The following FAT3 variants were observed in gnomAD, a reference collection of about 807,000 sequenced individuals.
The protein encoded by FAT3 is FAT atypical cadherin 3, also known as protocadherin Fat 3.
In FAT3, 95 loss-of-function variants were observed where a neutral mutation model predicts 310.2. The observed-to-expected ratio is 0.31, with a 90% CI of 0.26 to 0.36. The LOEUF is 0.36. FAT3 is among the 10% of genes least tolerant of loss of function. The pLI, the probability that FAT3 is intolerant of heterozygous loss-of-function variation, is 1.00. For missense variants in FAT3, 5,408 were observed against 5,715.6 expected, an observed-to-expected ratio of 0.95 and a Z score of 1.74; for synonymous variants, 2,314 against 2,192.9, an observed-to-expected ratio of 1.06 and a Z score of -1.54.
chr11:92,812,785 G>A (rs1033747962), intron 13 of FAT3, among the ~76,000 whole-genome samples: 1 of 152,156 alleles, frequency 6.6e-6, no homozygotes, highest in Admixed American at 6.5e-5. Context: ...ACTGGCCACA[G>A]CACTAACCTT....
chr11:92,591,152 G>T (rs1350149114), intron 3 of FAT3, among the ~76,000 whole-genome samples: 1 of 152,094 alleles, frequency 6.6e-6, no homozygotes, highest in Non-Finnish European at 1.5e-5. Context: ...AAATTTACCT[G>T]CCTTAGGAAC....
intron 19 of FAT3, 78 bp from the exon 20 acceptor site, chr11:92,857,136 T>G: frequency 6.2e-7 from 1 of 1,606,228 alleles, no homozygotes; most frequent in Non-Finnish European, 8.5e-7. Context: ...GTGTTCCCTT[T>G]GAACCTTTTC....
At chr11:92,454,680 G>A (rs1272029726) in intron 2 of FAT3, among the ~76,000 whole-genome samples, 1 of 152,102 alleles carries the variant, frequency 6.6e-6, no homozygotes, top group Non-Finnish European at 1.5e-5. Flanking sequence ...AACTCTGATA[G>A]GCATTTGGAT....
At chr11:92,872,858 T>A (rs1949424372) in intron 22 of FAT3, among the ~76,000 whole-genome samples, 1 of 152,228 alleles carries the variant, frequency 6.6e-6, no homozygotes, top group Non-Finnish European at 1.5e-5. Flanking sequence ...AAAGTTGAAA[T>A]GGCAAAGTAA....
intron 18 of FAT3, among the ~76,000 whole-genome samples, chr11:92,842,196 A>C (rs1948571127): frequency 6.6e-6 from 1 of 152,206 alleles, no homozygotes; most frequent in Non-Finnish European, 1.5e-5. Context: ...CACTGCCATA[A>C]AGTAAAACTA....
intron 2 of FAT3, among the ~76,000 whole-genome samples, chr11:92,465,624 A>C (rs1354751346): frequency 6.6e-6 from 1 of 152,162 alleles, no homozygotes; most frequent in Non-Finnish European, 1.5e-5. Flanking sequence ...CAGAAAACCA[A>C]ACACCGCATG....
At chr11:92,880,931 C>A (rs1250911419) in intron 23 of FAT3, 47 bp downstream of exon 23, 1 of 1,582,492 alleles carries the variant, frequency 6.3e-7, no homozygotes, top group Non-Finnish European at 8.6e-7. Context: ...TTCTTTATTG[C>A]TACAACAAAC....
At chr11:92,582,448 A>AT (rs1252545324) in intron 3 of FAT3, among the ~76,000 whole-genome samples, 1 of 151,904 alleles carries the variant, frequency 6.6e-6, no homozygotes, top group African/African-American at 2.4e-5. Flanking sequence ...CTAAAAATTA[A>AT]TTTTTGTGTA....
At position 92,762,188 on chromosome 11, in the gene FAT3, C is replaced by G. The variant is rs1946168780; in HGVS notation, c.3984+18C>G. Reference sequence around the variant, plus strand: ...TCCTAACGGTAAGATCTTCCAAACTCCAGCAGCACAGCAGATGGGGGGAAG... The same window carrying G: ...TCCTAACGGTAAGATCTTCCAAACTGCAGCAGCACAGCAGATGGGGGGAAG... On this transcript the variant is annotated intron_variant, in intron 5 of 27. Transcript: ENST00000525166. 2.5e-6 allele frequency: 4 copies of G among 1,596,666 alleles called. No individual in the cohort carries two copies.
At chr11:92,833,384 A>G (rs1210758819) in intron 14 of FAT3, among the ~76,000 whole-genome samples, 1 of 152,226 alleles carries the variant, frequency 6.6e-6, no homozygotes, top group Non-Finnish European at 1.5e-5. Flanking sequence ...TGGGTAGTCC[A>G]GTAAATATAA....
At chr11:92,806,101 C>T (rs1236166568) in intron 11 of FAT3, among the ~76,000 whole-genome samples, 1 of 152,114 alleles carries the variant, frequency 6.6e-6, no homozygotes, top group Non-Finnish European at 1.5e-5. Context: ...GTTTTCTTTG[C>T]CGTGGTACTC....
chr11:92,525,030 T>C (rs1953812454), intron 3 of FAT3, 82 bp downstream of exon 3: 1 of 1,165,906 alleles, frequency 8.6e-7, no homozygotes, highest in Admixed American at 2.3e-5. Flanking sequence ...TGTACTCATT[T>C]ACTTTATTTT....
chr11:92,610,997 G>C (rs1940536309), intron 3 of FAT3, among the ~76,000 whole-genome samples: 1 of 152,068 alleles, frequency 6.6e-6, no homozygotes, highest in Admixed American at 6.6e-5. Flanking sequence ...CTTTGACCTT[G>C]AATCTTTCAT....
At chr11:92,653,122 G>A (rs969242151) in intron 3 of FAT3, among the ~76,000 whole-genome samples, 2 of 152,264 alleles carry the variant, frequency 1.3e-5, no homozygotes, top group Middle Eastern at 3.4e-3. Context: ...TTGTGCCATT[G>A]CACTCCAGCT....
chr11:92,838,532 T>C (rs1948461351), intron 17 of FAT3, among the ~76,000 whole-genome samples: 1 of 152,134 alleles, frequency 6.6e-6, no homozygotes, highest in Non-Finnish European at 1.5e-5. Context: ...AGCCCAACTT[T>C]AGGAGGATCA....
At chr11:92,275,971 A>ATATAAAATATGTGTGTGATACG (rs1486989491) in intron 1 of FAT3, among the ~76,000 whole-genome samples, 1 of 152,146 alleles carries the variant, frequency 6.6e-6, no homozygotes, top group Non-Finnish European at 1.5e-5. Context: ...TGTGTGATAC[A>ATATAAAATATGTGTGTGATACG]TATAAAGTAA....
At chr11:92,715,673 A>C (rs1315679268) in intron 4 of FAT3, among the ~76,000 whole-genome samples, 1 of 152,070 alleles carries the variant, frequency 6.6e-6, no homozygotes, top group Non-Finnish European at 1.5e-5. Context: ...GTACTTATGA[A>C]CTGTAGGACA....
chr11:92,631,033 G>T (rs1016447039), intron 3 of FAT3, among the ~76,000 whole-genome samples: 1 of 152,120 alleles, frequency 6.6e-6, no homozygotes, highest in African/African-American at 2.4e-5. Flanking sequence ...CAACCATATT[G>T]GTATTGGTAT....
chr11:92,332,274 G>A (rs892869833), intron 1 of FAT3, among the ~76,000 whole-genome samples: 3 of 152,042 alleles, frequency 2.0e-5, no homozygotes, highest in Non-Finnish European at 4.4e-5. Context: ...TCTGGATTTC[G>A]GGCCAAAAAG....
Sources: gnomAD v4.1 joint callset for allele counts (sites outside exome capture counted in the v4.1 genomes callset) on GRCh38, gnomAD v4.1.1 for gene constraint, MANE v1.5 for transcripts, NCBI Gene and HGNC (gene_info 2026-07-23, HGNC 2026-07-21) for gene names.